PCDHGA1: variants seen among roughly 807,000 people sequenced by gnomAD.
PCDHGA1 encodes the protein protocadherin gamma subfamily A, 1.
Under a neutral mutation model 58.0 loss-of-function variants are expected in PCDHGA1, and 32 were observed. That is an observed-to-expected ratio of 0.55 (90% CI 0.42 to 0.74). The LOEUF (loss-of-function observed/expected upper bound fraction) is 0.74, where lower values mean the gene tolerates loss of function less well. Among genes scored for constraint, PCDHGA1 ranks in the 30% least tolerant of loss-of-function variants. The pLI is 0.00. For missense variants in PCDHGA1, 1,205 were observed against 1,182.3 expected (o/e 1.02, Z -0.28); for synonymous variants, 498 against 501.1 (o/e 0.99, Z 0.08).
intron 1 of PCDHGA1, chr5:141,492,015 G>A (rs117345436): frequency 3.3e-6 from 2 of 600,492 alleles, no homozygotes; most frequent in African/African-American, 1.9e-5. Context: ...CGCGGGTGTC[G>A]GGGGTCCCGG....
chr5:141,397,509 T>G (rs2093532710), intron 1 of PCDHGA1, among the ~76,000 whole-genome samples: 1 of 152,204 alleles, frequency 6.6e-6, no homozygotes, highest in African/African-American at 2.4e-5. Flanking sequence ...TAAAATTGTT[T>G]CCATAGCTAA....
At chr5:141,433,261 A>G (rs761584659) in intron 1 of PCDHGA1, 4 of 1,344,710 alleles carry the variant, frequency 3.0e-6, no homozygotes, top group Non-Finnish European at 4.1e-6. Context: ...CGGTACGATC[A>G]TAGCTCACTG....
intron 1 of PCDHGA1, chr5:141,350,921 G>A (rs750148663): frequency 4.1e-5 from 66 of 1,613,946 alleles, no homozygotes; most frequent in Non-Finnish European, 5.3e-5. Flanking sequence ...GCCTCTAAGC[G>A]GCACCACCCA....
At position 141,476,638 on chromosome 5, in the gene PCDHGA1, G is replaced by A. The variant is rs997136356; in HGVS notation, c.2422-18169G>A. On this transcript the variant is annotated intron_variant, in intron 1 of 3. Transcript: ENST00000517417. This position sits in a 1 kb window ranked among gnomAD's most constrained non-coding sequence, Gnocchi z 7.6. ...GCAACTCTTTACAAACCTATGAGCT[G>A]AGCCGAAATGAATACTTTGCGCTTC... 1.9e-6 allele frequency: 3 copies of A among 1,614,268 alleles called. No homozygotes were observed. Among genetic ancestry groups the A allele is most frequent in the Middle Eastern group, 1.6e-4 (1 of 6,062 alleles).
chr5:141,359,592 A>G (rs1761262704), intron 1 of PCDHGA1, among the ~76,000 whole-genome samples: 1 of 151,914 alleles, frequency 6.6e-6, no homozygotes, highest in Admixed American at 6.6e-5. Flanking sequence ...TAACAACTAA[A>G]AAAGCAATGT....
chr5:141,432,863 T>C lies in PCDHGA1; in HGVS notation c.2422-61944T>C, dbSNP rs762979829. On this transcript the variant is annotated intron_variant, in intron 1 of 3. Coordinates refer to ENST00000517417, the MANE Select transcript of PCDHGA1 (RefSeq NM_018912.3). This position sits in a 1 kb window ranked among gnomAD's most constrained non-coding sequence, Gnocchi z 6.0. ...GGTGGTAGCGGTGGCCGCGGTCTCCTGCGTCTTCCTGGCCTTCGTCATCTT... is the reference window on the plus strand; with the variant it reads ...GGTGGTAGCGGTGGCCGCGGTCTCCCGCGTCTTCCTGGCCTTCGTCATCTT... 20 of 1,614,192 alleles carry C rather than the reference T, an allele frequency of 1.2e-5. No individual in the cohort carries two copies. Among genetic ancestry groups the C allele is most frequent in the Admixed American group, 6.7e-5 (4 of 60,032 alleles).
chr5:141,462,872 AG>A (rs1254807813), intron 1 of PCDHGA1, among the ~76,000 whole-genome samples: 54 of 152,272 alleles, frequency 3.5e-4, no homozygotes, highest in Middle Eastern at 6.8e-3. Flanking sequence ...TCTTTCTTTA[AG>A]AACTATTGCA....
chr5:141,410,631 C>CT (rs768462511), intron 1 of PCDHGA1: 26 of 1,600,818 alleles, frequency 1.6e-5, no homozygotes, highest in Non-Finnish European at 2.2e-5. Context: ...GTGAGTTTCT[C>CT]TTTTTTGTGT....
intron 1 of PCDHGA1, among the ~76,000 whole-genome samples, chr5:141,459,461 G>A (rs1217201752): frequency 6.6e-6 from 1 of 152,214 alleles, no homozygotes; most frequent in Non-Finnish European, 1.5e-5. Flanking sequence ...GGACATTTGA[G>A]TTGTGTCCAG....
chr5:141,420,123 G>A (rs1335693841), intron 1 of PCDHGA1: 1 of 1,613,968 alleles, frequency 6.2e-7, no homozygotes, highest in Non-Finnish European at 8.5e-7. Flanking sequence ...TATAATTTTT[G>A]TGTGCCTGGG....
chr5:141,365,964 A>G, intron 1 of PCDHGA1: 1 of 1,614,252 alleles, frequency 6.2e-7, no homozygotes, highest in Non-Finnish European at 8.5e-7. Context: ...CTTAGCAGCA[A>G]CGTGTCGCTG....
chr5:141,351,973 C>A (rs1758879948), intron 1 of PCDHGA1: 7 of 1,612,382 alleles, frequency 4.3e-6, no homozygotes, highest in Non-Finnish European at 5.9e-6. Context: ...CCGCCCTCTT[C>A]GATATGGTGC....
chr5:141,453,052 G>A (rs1299518260), intron 1 of PCDHGA1, among the ~76,000 whole-genome samples: 2 of 152,062 alleles, frequency 1.3e-5, no homozygotes, highest in East Asian at 3.9e-4. Flanking sequence ...ATTATGTGCA[G>A]TTTTAGAGTT....
chr5:141,389,957 G>A (rs2091985321), intron 1 of PCDHGA1: 2 of 1,614,080 alleles, frequency 1.2e-6, no homozygotes, highest in Non-Finnish European at 1.7e-6. Flanking sequence ...TTTACCTAGT[G>A]GTGGCCTTGG....
At chr5:141,438,091 C>T (rs964466012) in intron 1 of PCDHGA1, among the ~76,000 whole-genome samples, 1 of 152,098 alleles carries the variant, frequency 6.6e-6, no homozygotes, top group Admixed American at 6.6e-5. Flanking sequence ...TTACCAGTAA[C>T]AGGGCATACT....
chr5:141,365,713 C>G, intron 1 of PCDHGA1: 1 of 1,613,760 alleles, frequency 6.2e-7, no homozygotes, highest in East Asian at 2.2e-5. Context: ...CCACCTCTGT[C>G]ACAGAAAACA....
rs1757778136 is a variant in PCDHGA1 at position 141,346,615 on chromosome 5, C to T, written c.2421+13510C>T. On this transcript the variant is annotated intron_variant, in intron 1 of 3. Coordinates refer to ENST00000517417, the MANE Select transcript of PCDHGA1 (RefSeq NM_018912.3). ...CTTTCTTTCTGGGCCTATAGTAGGACTGCACTCCCCGGTCTGGTTATGGTT... is the reference window on the plus strand; with the variant it reads ...CTTTCTTTCTGGGCCTATAGTAGGATTGCACTCCCCGGTCTGGTTATGGTT... 3.7e-6 allele frequency: 4 copies of T among 1,090,316 alleles called. No individual in the cohort carries two copies. In the South Asian group the frequency reaches 6.7e-5, roughly 18 times the overall value. The allele number at this position is 1,090,316 out of a possible 1,614,324, so 67.5% of individuals were successfully genotyped here.
chr5:141,405,744 C>T (rs2094711384), intron 1 of PCDHGA1, among the ~76,000 whole-genome samples: 1 of 152,192 alleles, frequency 6.6e-6, no homozygotes, highest in African/African-American at 2.4e-5. Flanking sequence ...TCCCAAAGCA[C>T]TGGGATTACA....
Position 141,432,029 on chromosome 5 carries a change from G to A in PCDHGA1, c.2422-62778G>A. 6.2e-7 allele frequency: 1 copy of A among 1,614,178 alleles called. No individual in the cohort carries two copies. Among genetic ancestry groups the A allele is most frequent in the South Asian group, 1.1e-5 (1 of 91,086 alleles). ...TCCTAGCTACAACATCACAGTGACC[G>A]CCACTGACCGGGGAACCCCGCCCCT... On this transcript the variant is annotated intron_variant, in intron 1 of 3. Coordinates refer to ENST00000517417, the MANE Select transcript of PCDHGA1 (RefSeq NM_018912.3). This position sits in a 1 kb window ranked among gnomAD's most constrained non-coding sequence, Gnocchi z 6.0.
Sources: gnomAD v4.1 joint callset for allele counts (sites outside exome capture counted in the v4.1 genomes callset) on GRCh38, gnomAD v4.1.1 for gene constraint, Gnocchi (gnomAD v3.1) non-coding constraint, MANE v1.5 for transcripts, NCBI Gene and HGNC (gene_info 2026-07-23, HGNC 2026-07-21) for gene names.